The following RPL7A variants were observed in gnomAD, a reference collection of about 807,000 sequenced individuals.
The protein encoded by RPL7A is ribosomal protein L7a, also known as large ribosomal subunit protein eL8.
For missense variants in RPL7A, 291 were observed against 338.2 expected, an observed-to-expected ratio of 0.86 and a Z score of 1.09; for synonymous variants, 158 against 128.2, an observed-to-expected ratio of 1.23 and a Z score of -1.57.
At chr9:133,349,251 T>C in intron 2 of RPL7A, 1 of 743,140 alleles carries the variant, frequency 1.3e-6, no homozygotes, top group East Asian at 2.6e-5. Context: ...GTAGTGGCCT[T>C]GAATTCAGCT....
rs2129995140 is a variant in RPL7A at position 133,350,638 on chromosome 9, C to A, written c.537C>A (p.Val179=). 9 of 1,613,914 alleles carry A rather than the reference C, an allele frequency of 5.6e-6. No individual in the cohort carries two copies. The highest frequency in any genetic ancestry group is 6.8e-6 in the Non-Finnish European group (8 of 1,179,988). ...FLPALCRKMG[V]PYCIIKGKAR... is the part of the protein sequence containing the mutation. ...CTGCCCTGTGTCGTAAAATGGGGGT[C>A]CCTTACTGCATTATCAAGGGAAAGG... Residue 179 remains valine (V), a synonymous_variant, in exon 6 of 8, where the codon GTC becomes GTA. Transcript: ENST00000323345.
At chr9:133,349,333 T>C in intron 2 of RPL7A, 1 of 822,266 alleles carries the variant, frequency 1.2e-6, no homozygotes, top group Admixed American at 1.7e-5. Context: ...CTGTACTTCG[T>C]GGCACCTTGG....
chr9:133,349,276 C>G (rs1836311542), intron 2 of RPL7A: 1 of 745,276 alleles, frequency 1.3e-6, no homozygotes, highest in South Asian at 1.5e-5. Context: ...CATCTGGAAA[C>G]AAGTACAGTA....
chr9:133,348,294 T>A, intron 1 of RPL7A, 48 bp downstream of exon 1: 1 of 1,613,716 alleles, frequency 6.2e-7, no homozygotes, highest in Non-Finnish European at 8.5e-7. Context: ...TCCGGCTGTA[T>A]CCGCTGCCAT....
Position 133,350,572 on chromosome 9 carries a change from G to C in RPL7A, c.496-25G>C, listed in dbSNP as rs2129994785. The C allele has an allele frequency of 1.8e-3, 2,922 of 1,614,120 alleles. 35 individuals carry two copies. In the African/African-American group the frequency reaches 0.033, roughly 18 times the overall value. ...ATTTGCTGCTTTTGGTCAAAATACA[G>C]TCTTCAGCTAATGCTTTCTTCCAGC... On this transcript the variant is annotated intron_variant, in intron 5 of 7. Coordinates refer to ENST00000323345, the MANE Select transcript of RPL7A (RefSeq NM_000972.3).
chr9:133,348,441 C>A, intron 1 of RPL7A, 195 bp downstream of exon 1: 1 of 755,692 alleles, frequency 1.3e-6, no homozygotes, highest in Non-Finnish European at 2.1e-6. Flanking sequence ...TGGACTAGAG[C>A]CCCGGGCGGC....
intron 1 of RPL7A, chr9:133,348,575 T>G (rs1836282115): frequency 3.4e-6 from 2 of 594,840 alleles, no homozygotes; most frequent in African/African-American, 3.7e-5. Context: ...AGAGGCCTTG[T>G]GAGCGACGAG....
Position 133,350,694 on chromosome 9 carries a change from C to G in RPL7A, c.593C>G (p.Thr198Ser). The G allele has an allele frequency of 6.2e-7, 1 of 1,614,154 alleles. No homozygotes were observed. Among genetic ancestry groups the G allele is most frequent in the East Asian group, 2.2e-5 (1 of 44,878 alleles). The change falls in exon 6 of 8, where the codon ACC becomes AGC. Residue 198 changes from threonine to serine, a missense_variant. Physicochemically the swap from Thr to Ser is moderately conservative, Grantham distance 58. Coordinates refer to ENST00000323345, the MANE Select transcript of RPL7A (RefSeq NM_000972.3). Reference sequence around the variant, plus strand: ...CTGGGACGTCTAGTCCACAGGAAGACCTGCACCACTGTCGCCTTCACACAG... The same window carrying G: ...CTGGGACGTCTAGTCCACAGGAAGAGCTGCACCACTGTCGCCTTCACACAG... Reference protein sequence around the residue: ...ARLGRLVHRKTCTTVAFTQVN... With the variant: ...ARLGRLVHRKSCTTVAFTQVN...
intron 5 of RPL7A, 87 bp from the exon 6 acceptor site, chr9:133,350,510 C>T (rs2129994226): frequency 8.1e-6 from 13 of 1,604,290 alleles, no homozygotes; most frequent in African/African-American, 1.3e-5. Context: ...AATCCATGAG[C>T]TTTTTAACCC....
intron 2 of RPL7A, 80 bp from the exon 3 acceptor site, chr9:133,349,471 C>G (rs1223575445): frequency 1.3e-6 from 2 of 1,568,664 alleles, no homozygotes; most frequent in African/African-American, 1.4e-5. Context: ...CGCTGATGCA[C>G]CAACACCCTT....
rs2129997809 is a variant in RPL7A, at chr9:133,351,040, T to C, written c.665T>C (p.Ile222Thr). The C allele has an allele frequency of 3.7e-6, 6 of 1,614,142 alleles. No homozygotes were observed. In the South Asian group the frequency reaches 5.5e-5, roughly 15 times the overall value. The change falls in exon 7 of 8, where the codon ATC becomes ACC. Residue 222 changes from isoleucine (I) to threonine (T), a missense_variant. Physicochemically the swap from Ile to Thr is moderately conservative, Grantham distance 89. Coordinates refer to ENST00000323345, the MANE Select transcript of RPL7A (RefSeq NM_000972.3). Reference protein sequence around the residue: ...KGALAKLVEAIRTNYNDRYDE... With the variant: ...KGALAKLVEATRTNYNDRYDE... ...GCTTTGGCTAAGCTGGTGGAAGCTA[T>C]CAGGACCAATTACAATGACAGATAC...
At chr9:133,349,310 G>T in intron 2 of RPL7A, 1 of 795,610 alleles carries the variant, frequency 1.3e-6, no homozygotes, top group South Asian at 1.4e-5. Context: ...GAGGTACTAG[G>T]ACTGCAATTC....
Position 133,351,402 on chromosome 9 carries a change from T to C in RPL7A, c.*36T>C, listed in dbSNP as rs1836396666. 1 of 1,442,062 alleles carries C rather than the reference T, an allele frequency of 6.9e-7. No homozygotes were observed. Among genetic ancestry groups the C allele is most frequent in the Non-Finnish European group, 9.6e-7 (1 of 1,036,452 alleles). 89.3% of individuals were successfully genotyped at this position (1,442,062 alleles called of 1,614,324 possible). The stretch of plus-strand genomic sequence containing the variant: ...TTGAGTTTTCTGTACATAAAAATAA[T>C]TGAAATAATACAAATTTTCCTTCAG... On this transcript the variant is annotated 3_prime_UTR_variant, in exon 8 of 8. Coordinates refer to ENST00000323345, the MANE Select transcript of RPL7A (RefSeq NM_000972.3).
chr9:133,348,398 A>G, intron 1 of RPL7A, 152 bp downstream of exon 1: 1 of 1,103,498 alleles, frequency 9.1e-7, no homozygotes, highest in South Asian at 1.3e-5. Flanking sequence ...GGTGGATTAG[A>G]GCCCCACTTG....
chr9:133,350,145 C>A lies in RPL7A; in HGVS notation c.415+93C>A, dbSNP rs2129991630. On this transcript the variant is annotated intron_variant, in intron 4 of 7. Transcript: ENST00000323345. ...CTGAAATTACTGTGAAGAGTAAAACCGAGCTTTTTAACACTGAGTCAGCAG... is the reference window on the plus strand; with the variant it reads ...CTGAAATTACTGTGAAGAGTAAAACAGAGCTTTTTAACACTGAGTCAGCAG... 3.7e-6 allele frequency: 6 copies of A among 1,612,416 alleles called. No homozygotes were observed. In the East Asian group the frequency reaches 8.9e-5, roughly 24 times the overall value.
chr9:133,349,480 T>C, intron 2 of RPL7A, 71 bp from the exon 3 acceptor site: 4 of 1,595,726 alleles, frequency 2.5e-6, no homozygotes, highest in South Asian at 1.1e-5. Context: ...ACCAACACCC[T>C]TCCTAGTGGC....
Position 133,350,987 on chromosome 9 carries a change from C to T in RPL7A, c.627-15C>T, listed in dbSNP as rs2129997495. The T allele has an allele frequency of 3.3e-5, 53 of 1,613,708 alleles. No homozygotes were observed. The highest frequency in any genetic ancestry group is 4.0e-5 in the Non-Finnish European group (47 of 1,179,862). On this transcript the variant is annotated splice_polypyrimidine_tract_variant and intron_variant, in intron 6 of 7. Coordinates refer to ENST00000323345, the MANE Select transcript of RPL7A (RefSeq NM_000972.3). ...AGGCAAAAAACCCACTTTTGTTTCC[C>T]CTCCTGCCTTTTAGGGAAGACAAAG...
chr9:133,349,782 C>T, intron 3 of RPL7A, 82 bp downstream of exon 3: 1 of 1,587,714 alleles, frequency 6.3e-7, no homozygotes, highest in Non-Finnish European at 8.6e-7. Context: ...TGGTCTTAGG[C>T]TTCTTGAACT....
At position 133,350,958 on chromosome 9, in the gene RPL7A, A is replaced by G. The variant is rs2129997220; in HGVS notation, c.627-44A>G. 3.1e-6 allele frequency: 5 copies of G among 1,603,314 alleles called. No homozygotes were observed. In the Admixed American group the frequency reaches 8.3e-5, roughly 27 times the overall value. On this transcript the variant is annotated intron_variant, in intron 6 of 7. Coordinates refer to ENST00000323345, the MANE Select transcript of RPL7A (RefSeq NM_000972.3). ...GGTATTTTTGCATTCTAAAAGGGAA[A>G]CTAAGGCAAAAAACCCACTTTTGTT...
Sources: gnomAD v4.1 joint callset for allele counts on GRCh38, gnomAD v4.1.1 for gene constraint, MANE v1.5 for transcripts, NCBI Gene and HGNC (gene_info 2026-07-23, HGNC 2026-07-21) for gene names.